The following TNKS variants were observed in gnomAD, a reference collection of about 807,000 sequenced individuals.
The protein encoded by TNKS is poly [ADP-ribose] polymerase tankyrase-1.
TNKS carries 72 observed loss-of-function variants against 135.8 expected under a neutral mutation model. The ratio of observed to expected loss-of-function variants is 0.53; its 90% CI spans 0.44 to 0.64. The LOEUF (loss-of-function observed/expected upper bound fraction) is 0.64, where lower values mean the gene tolerates loss of function less well. Ranked by LOEUF, TNKS falls within the 30% of genes least tolerant of loss-of-function variation. The pLI is 0.00. For missense variants in TNKS, 1,769 were observed against 1,674.0 expected (o/e 1.06, Z -0.99); for synonymous variants, 849 against 649.3 (o/e 1.31, Z -4.68).
Position 9,706,200 on chromosome 8 carries a change from C to T in TNKS, c.1216C>T (p.Leu406Phe). 1 of 1,571,316 alleles carries T rather than the reference C, an allele frequency of 6.4e-7. No homozygotes were observed. Among genetic ancestry groups the T allele is most frequent in the African/African-American group, 1.4e-5 (1 of 72,300 alleles). The change falls in exon 7 of 27, where the codon CTT becomes TTT. Residue 406 changes from leucine (L) to phenylalanine (F), a missense_variant. Physicochemically the swap from Leu to Phe is conservative, Grantham distance 22. Coordinates refer to ENST00000310430, the MANE Select transcript of TNKS (RefSeq NM_003747.3). ...CTTTTCATTTAGTGGACTTGTGCCT[C>T]TTCATAATGCATGTTCATATGGACA... ...HAKDKGGLVP[L>F]HNACSYGHYE...
chr8:9,646,273 C>T (rs773312604), intron 3 of TNKS, among the ~76,000 whole-genome samples: 5 of 151,892 alleles, frequency 3.3e-5, no homozygotes, highest in Admixed American at 1.3e-4. Flanking sequence ...ATTTTTTTCG[C>T]TTAGTTCTTG....
At chr8:9,604,695 G>A (rs1799152087) in intron 2 of TNKS, among the ~76,000 whole-genome samples, 1 of 151,488 alleles carries the variant, frequency 6.6e-6, no homozygotes, top group Non-Finnish European at 1.5e-5. Flanking sequence ...TGTAGATTGG[G>A]GTCTTCTATT....
chr8:9,624,040 A>AC (rs776249130), intron 3 of TNKS, among the ~76,000 whole-genome samples: 89 of 151,642 alleles, frequency 5.9e-4, no homozygotes, highest in Non-Finnish European at 7.9e-4. Context: ...AACAACAACA[A>AC]AAAACAACTA....
intron 5 of TNKS, among the ~76,000 whole-genome samples, chr8:9,682,050 T>C (rs1802805238): frequency 6.6e-6 from 1 of 152,128 alleles, no homozygotes; most frequent in Non-Finnish European, 1.5e-5. Flanking sequence ...TTTTAAATGG[T>C]AACTGTTCAT....
At chr8:9,700,049 G>A (rs1432527022) in intron 5 of TNKS, among the ~76,000 whole-genome samples, 1 of 152,098 alleles carries the variant, frequency 6.6e-6, no homozygotes, top group Non-Finnish European at 1.5e-5. Flanking sequence ...AGCTCAGAAA[G>A]CGTTTCTTCT....
At chr8:9,618,049 C>T (rs912794505) in intron 3 of TNKS, among the ~76,000 whole-genome samples, 1 of 141,822 alleles carries the variant, frequency 7.1e-6, no homozygotes, top group East Asian at 2.1e-4. Flanking sequence ...TTCAGTGGAA[C>T]GATCTCAGCT....
chr8:9,707,013 C>T lies in TNKS; in HGVS notation c.1456+16C>T, dbSNP rs1421254427. 8 of 1,538,872 alleles carry T rather than the reference C, an allele frequency of 5.2e-6. No homozygotes were observed. Among genetic ancestry groups the T allele is most frequent in the South Asian group, 1.2e-5 (1 of 81,172 alleles). The stretch of plus-strand genomic sequence containing the variant: ...AGATTGACTTGTACGTATTTATATC[C>T]CGAAATCATTATCGCATAAATTGGA... On this transcript the variant is annotated intron_variant, in intron 8 of 26. Coordinates refer to ENST00000310430, the MANE Select transcript of TNKS (RefSeq NM_003747.3).
intron 18 of TNKS, among the ~76,000 whole-genome samples, chr8:9,751,124 C>T (rs765882193): frequency 5.9e-5 from 9 of 152,328 alleles, no homozygotes; most frequent in Non-Finnish European, 8.8e-5. Context: ...TGATGGGTGG[C>T]TGTCTTTGGA....
intron 2 of TNKS, among the ~76,000 whole-genome samples, chr8:9,588,904 GGAA>G (rs1314541005): frequency 1.3e-5 from 2 of 152,160 alleles, no homozygotes; most frequent in Non-Finnish European, 2.9e-5. Flanking sequence ...AATTAGACTA[GGAA>G]GAAGAAGCTT....
At chr8:9,763,448 C>T (rs1018065998) in intron 22 of TNKS, among the ~76,000 whole-genome samples, 1 of 152,138 alleles carries the variant, frequency 6.6e-6, no homozygotes, top group Non-Finnish European at 1.5e-5. Context: ...TTTTCTAATG[C>T]ATGGGGCCCA....
intron 1 of TNKS, among the ~76,000 whole-genome samples, chr8:9,560,364 A>G (rs959533438): frequency 6.6e-6 from 1 of 151,992 alleles, no homozygotes; most frequent in Non-Finnish European, 1.5e-5. Context: ...GGTATTTTAA[A>G]ATAAAAACTA....
At position 9,556,386 on chromosome 8, in the gene TNKS, C is replaced by G. The variant is rs1263029329; in HGVS notation, c.447C>G (p.Ser149Arg). ...CCTCTCCATCCTCCCCTGGATCGAGCTTGGCGGAGAGCCCCGAGGCGGCCG... is the reference window on the plus strand; with the variant it reads ...CCTCTCCATCCTCCCCTGGATCGAGGTTGGCGGAGAGCCCCGAGGCGGCCG... ...SSSSPSSPGSSLAESPEAAGV... is the reference protein window; with the variant it reads ...SSSSPSSPGSRLAESPEAAGV... The change falls in exon 1 of 27, where the codon AGC becomes AGG. Residue 149 changes from serine (S) to arginine (R), a missense_variant. Ser to Arg is a moderately radical substitution (Grantham distance 110). Transcript: ENST00000310430. 7 of 1,614,114 alleles carry G rather than the reference C, an allele frequency of 4.3e-6. No individual in the cohort carries two copies. In the East Asian group the frequency reaches 1.1e-4, roughly 26 times the overall value.
chr8:9,707,443 A>G (rs1238039671), intron 8 of TNKS, among the ~76,000 whole-genome samples: 2 of 152,182 alleles, frequency 1.3e-5, no homozygotes, highest in African/African-American at 2.4e-5. Flanking sequence ...TGACAGTGAC[A>G]GGTATCTAGC....
At chr8:9,630,439 T>G (rs763789183) in intron 3 of TNKS, among the ~76,000 whole-genome samples, 2 of 152,204 alleles carry the variant, frequency 1.3e-5, no homozygotes. Context: ...TCTTGTCTGG[T>G]GGTTGGTTTG....
chr8:9,733,834 A>G (rs1269794075), intron 15 of TNKS, among the ~76,000 whole-genome samples: 2 of 152,184 alleles, frequency 1.3e-5, no homozygotes, highest in African/African-American at 4.8e-5. Context: ...TCACTAGTAA[A>G]CATCAAATAT....
chr8:9,558,566 A>G (rs1369413322), intron 1 of TNKS: 1 of 152,194 alleles, frequency 6.6e-6, no homozygotes, highest in Non-Finnish European at 1.5e-5. Flanking sequence ...AATGATAGTT[A>G]TATTTATGTG....
intron 2 of TNKS, among the ~76,000 whole-genome samples, chr8:9,615,062 G>A (rs925150480): frequency 2.6e-5 from 4 of 152,142 alleles, no homozygotes; most frequent in Non-Finnish European, 5.9e-5. Context: ...ACATTACTAT[G>A]TCTGTTAAAC....
intron 17 of TNKS, among the ~76,000 whole-genome samples, chr8:9,745,981 G>A (rs1806213053): frequency 6.6e-6 from 1 of 152,204 alleles, no homozygotes; most frequent in Admixed American, 6.5e-5. Context: ...CATGCATTAA[G>A]TTGCATCTTG....
chr8:9,580,426 A>C (rs201040196), intron 2 of TNKS, 43 bp downstream of exon 2: 1 of 1,569,392 alleles, frequency 6.4e-7, no homozygotes, highest in East Asian at 2.2e-5. Context: ...ATAAAGGTTT[A>C]TTCTTACTTT....
Sources: allele counts gnomAD v4.1 joint callset (sites outside exome capture counted in the v4.1 genomes callset), GRCh38; gene constraint gnomAD v4.1.1; transcripts MANE v1.5; gene names NCBI Gene and HGNC (gene_info 2026-07-23, HGNC 2026-07-21).